MYH15: variants seen among roughly 807,000 people sequenced by gnomAD.
The protein encoded by MYH15 is myosin-15.
A neutral mutation model predicts 240.5 loss-of-function variants in MYH15; 227 were observed. That is an observed-to-expected ratio of 0.94 (90% CI 0.85 to 1.05). The LOEUF is 1.05. Ranked by LOEUF, MYH15 falls within the 50% of genes least tolerant of loss-of-function variation. The pLI is 0.00. For synonymous variants in MYH15, 785 were observed against 796.7 expected, an observed-to-expected ratio of 0.99 and a Z score of 0.25; for missense variants, 2,217 against 2,247.5, an observed-to-expected ratio of 0.99 and a Z score of 0.27.
At chr3:108,453,924 ACT>A (rs2082997185) in intron 21 of MYH15, 80 bp downstream of exon 21, 8 of 1,403,194 alleles carry the variant, frequency 5.7e-6, no homozygotes, top group Middle Eastern at 1.8e-4. Flanking sequence ...CTCTTGACCT[ACT>A]ATAAGGCAAT....
In MYH15 at chr3:108,454,043, G is replaced by A; in HGVS notation, c.2362C>T (p.Leu788=). The A allele has an allele frequency of 1.9e-6, 3 of 1,612,688 alleles. No homozygotes were observed. The highest frequency in any genetic ancestry group is 2.5e-6 in the Non-Finnish European group (3 of 1,179,084). ...ATCTTCTGGAATTTGATTCGCATCA[G>A]TTTGCCCTGTGCTCTGGCTTGGAAC... ...TLFQARAQGK[L]MRIKFQKILE... The change falls in exon 21 of 41, where the codon CTG becomes TTG. Residue 788 remains leucine, a synonymous_variant. Transcript: ENST00000693548.
intron 14 of MYH15, among the ~76,000 whole-genome samples, chr3:108,469,310 A>G (rs754697472): frequency 2.0e-5 from 3 of 152,162 alleles, no homozygotes; most frequent in Non-Finnish European, 4.4e-5. Flanking sequence ...TTGAAGATTC[A>G]CTGCAATCCA....
rs376230773 is a variant in MYH15 at position 108,428,838 on chromosome 3, G to A, written c.3356C>T (p.Thr1119Ile). The A allele has an allele frequency of 3.8e-5, 61 of 1,612,220 alleles. No individual in the cohort carries two copies. In the African/African-American group the frequency reaches 5.2e-4, roughly 14 times the overall value. ...CTCCCTTTCCATCTTGGCTCGAGTGGTCCTTTCAGCTTCTAGTTTCTCTTT... is the reference window on the plus strand; with the variant it reads ...CTCCCTTTCCATCTTGGCTCGAGTGATCCTTTCAGCTTCTAGTTTCTCTTT... ...DLKEKLEAER[T>I]TRAKMERERA... is the part of the protein sequence containing the mutation. The change falls in exon 27 of 41, where the codon ACC becomes ATC. Residue 1119 changes from threonine to isoleucine, a missense_variant. Thr to Ile is a moderately conservative substitution (Grantham distance 89, BLOSUM62 -1). Transcript: ENST00000693548.
intron 34 of MYH15, 24 bp downstream of exon 34, chr3:108,399,051 C>A: frequency 6.2e-7 from 1 of 1,603,966 alleles, no homozygotes; most frequent in Non-Finnish European, 8.5e-7. Context: ...CCCCTCCCTA[C>A]CCCATCTTAC....
intron 21 of MYH15, among the ~76,000 whole-genome samples, chr3:108,445,982 C>T (rs2082924586): frequency 6.6e-6 from 1 of 152,116 alleles, no homozygotes; most frequent in Non-Finnish European, 1.5e-5. Context: ...ACCCCCACAG[C>T]TCCAGACTCC....
At chr3:108,447,835 G>T (rs992027449) in intron 21 of MYH15, among the ~76,000 whole-genome samples, 1 of 151,468 alleles carries the variant, frequency 6.6e-6, no homozygotes, top group East Asian at 2.0e-4. Flanking sequence ...CTGTAATAAT[G>T]GTGCATAAAT....
intron 12 of MYH15, among the ~76,000 whole-genome samples, chr3:108,474,459 T>A (rs1045141384): frequency 6.6e-6 from 1 of 150,636 alleles, no homozygotes; most frequent in African/African-American, 2.4e-5. Flanking sequence ...TCCTTATTTT[T>A]TTTTTTATTT....
At chr3:108,449,031 T>C (rs1435933749) in intron 21 of MYH15, among the ~76,000 whole-genome samples, 1 of 151,778 alleles carries the variant, frequency 6.6e-6, no homozygotes, top group East Asian at 1.9e-4. Context: ...TAAGAATAAA[T>C]CTTACCAAGG....
At chr3:108,470,504 A>G (rs949027616) in intron 13 of MYH15, among the ~76,000 whole-genome samples, 194 bp downstream of exon 13, 1 of 152,172 alleles carries the variant, frequency 6.6e-6, no homozygotes, top group Admixed American at 6.5e-5. Flanking sequence ...TTAAGAAATC[A>G]ATAAATACTT....
At position 108,384,670 on chromosome 3, in the gene MYH15, C is replaced by A. The variant is rs374577513; in HGVS notation, c.5631+17G>T. ...CACTGGGAAATCCATGAGGCTGAAA[C>A]TTCCCCAGGCACTCACCGCCACCTC... On this transcript the variant is annotated intron_variant, in intron 39 of 40. Coordinates refer to ENST00000693548, the MANE Select transcript of MYH15 (RefSeq NM_014981.3). The A allele has an allele frequency of 1.2e-6, 2 of 1,606,684 alleles. No individual in the cohort carries two copies. The highest frequency in any genetic ancestry group is 1.7e-6 in the Non-Finnish European group (2 of 1,174,054).
chr3:108,523,959 T>C (rs1413140179), intron 1 of MYH15, among the ~76,000 whole-genome samples: 1 of 151,964 alleles, frequency 6.6e-6, no homozygotes, highest in Non-Finnish European at 1.5e-5. Context: ...TATTCAACAA[T>C]TCCCCTATTG....
Position 108,430,882 on chromosome 3 carries a change from TCTCCA to T in MYH15, c.3257_3261del (p.Val1086GlufsTer2). 1 of 1,612,620 alleles carries T rather than the reference TCTCCA, an allele frequency of 6.2e-7. No individual in the cohort carries two copies. The highest frequency in any genetic ancestry group is 8.5e-7 in the Non-Finnish European group (1 of 1,179,762). ...AGCTGAGCTACCAGGCCTTTCTCAT[TCTCCA>T]CTTTTGAATTCATCTGACTCAATTC... On this transcript the variant is annotated frameshift_variant, in exon 26 of 41. Coordinates refer to ENST00000693548, the MANE Select transcript of MYH15 (RefSeq NM_014981.3). LOFTEE classifies it high-confidence loss of function.
intron 35 of MYH15, among the ~76,000 whole-genome samples, chr3:108,396,928 G>A (rs2082466104): frequency 6.6e-6 from 1 of 152,150 alleles, no homozygotes; most frequent in Non-Finnish European, 1.5e-5. Flanking sequence ...GCAGTTCCTT[G>A]GGATTATCCT....
At chr3:108,417,869 A>T (rs2082647614) in intron 28 of MYH15, among the ~76,000 whole-genome samples, 1 of 152,144 alleles carries the variant, frequency 6.6e-6, no homozygotes, top group South Asian at 2.1e-4. Flanking sequence ...ACCTATATGT[A>T]CATGCATATA....
chr3:108,439,141 T>G (rs76836030), intron 24 of MYH15, among the ~76,000 whole-genome samples: 2,596 of 152,110 alleles, frequency 0.017, 74 homozygotes, highest in African/African-American at 0.059. Context: ...ATACACTATG[T>G]CAGCTGGGGT....
chr3:108,535,568 A>G, the MYH15 span, among the ~76,000 whole-genome samples: 7 of 152,276 alleles, frequency 4.6e-5, no homozygotes, highest in Non-Finnish European at 5.9e-5. Context: ...CATTCAGTCT[A>G]TAGCAGTGTG....
intron 14 of MYH15, among the ~76,000 whole-genome samples, chr3:108,468,948 C>T (rs2083146435): frequency 6.6e-6 from 1 of 152,206 alleles, no homozygotes. Context: ...GGCCAGAATA[C>T]ATACCACATC....
intron 22 of MYH15, 118 bp from the exon 23 acceptor site, chr3:108,441,378 C>T (rs2082884201): frequency 1.4e-5 from 15 of 1,108,528 alleles, no homozygotes; most frequent in Middle Eastern, 2.8e-4. Context: ...AGCACTTTCA[C>T]CTACCTTTCC....
intron 1 of MYH15, among the ~76,000 whole-genome samples, chr3:108,522,784 G>C (rs905048959): frequency 3.3e-5 from 5 of 152,000 alleles, no homozygotes; most frequent in African/African-American, 9.7e-5. Flanking sequence ...TTCATACGAT[G>C]GTGTTTTGAG....
Sources: allele counts gnomAD v4.1 joint callset (sites outside exome capture counted in the v4.1 genomes callset), GRCh38; gene constraint gnomAD v4.1.1; transcripts MANE v1.5; gene names NCBI Gene and HGNC (gene_info 2026-07-23, HGNC 2026-07-21).